ANKRD24: variants seen among roughly 807,000 people sequenced by gnomAD.
The protein encoded by ANKRD24 is ankyrin repeat domain 24.
A neutral mutation model predicts 127.8 loss-of-function variants in ANKRD24; 109 were observed. The observed-to-expected ratio is 0.85, with a 90% CI of 0.73 to 1.00. The LOEUF (loss-of-function observed/expected upper bound fraction) is 1.00, where lower values mean the gene tolerates loss of function less well. ANKRD24 is among the 50% of genes least tolerant of loss of function. The pLI is 0.00. For missense variants in ANKRD24, 1,648 were observed against 1,570.2 expected, an observed-to-expected ratio of 1.05 and a Z score of -0.84; for synonymous variants, 743 against 671.1, an observed-to-expected ratio of 1.11 and a Z score of -1.66.
rs542549286 is a variant in ANKRD24, at chr19:4,186,253, C to T, written c.-36-137C>T. On this transcript the variant is annotated intron_variant, in intron 1 of 21. Coordinates refer to ENST00000318934, the MANE Select transcript of ANKRD24 (RefSeq NM_001393985.1). ...GACACACAGCAGGTAGGAGATAGAG[C>T]AGGTCTGTGTCTTGCTCTAGGGGCC... 6 of 1,443,430 alleles carry T rather than the reference C, an allele frequency of 4.2e-6. No individual in the cohort carries two copies. The South Asian group carries it at 7.3e-5, about 18-fold the overall frequency. 89.4% of individuals were successfully genotyped at this position (1,443,430 alleles called of 1,614,324 possible).
intron 16 of ANKRD24, 64 bp downstream of exon 16, chr19:4,216,114 C>A: frequency 1.3e-6 from 2 of 1,505,178 alleles, no homozygotes; most frequent in Middle Eastern, 1.7e-4. Context: ...GAAGACGGAG[C>A]CTCTGGGTGT....
intron 2 of ANKRD24, among the ~76,000 whole-genome samples, chr19:4,196,337 T>TTTGTTGTTGTTG (rs112815640): frequency 6.6e-6 from 1 of 151,072 alleles, no homozygotes; most frequent in Non-Finnish European, 1.5e-5. Flanking sequence ...AGACCTCGGT[T>TTTGTTGTTGTTG]TTGTTGTTGT....
intron 2 of ANKRD24, among the ~76,000 whole-genome samples, chr19:4,193,815 C>T (rs111476602): frequency 0.011 from 266 of 25,082 alleles, 3 homozygotes; most frequent in African/African-American, 0.038. Context: ...CCAGCCTGGG[C>T]GACAGAGCGA....
intron 20 of ANKRD24, among the ~76,000 whole-genome samples, chr19:4,223,373 A>G (rs1970547289): frequency 2.7e-5 from 1 of 37,058 alleles, no homozygotes; most frequent in Non-Finnish European, 5.0e-5. Flanking sequence ...CTGGCCATAC[A>G]TATATATATA....
Position 4,186,378 on chromosome 19 carries a change from T to C in ANKRD24, c.-36-12T>C. ...GTGTCCCTCACCTTACCCCCACCCT[T>C]GCCCTCCTCAGGTGGCCTGTGGAGA... On this transcript the variant is annotated splice_polypyrimidine_tract_variant and intron_variant, in intron 1 of 21. Transcript: ENST00000318934. 3 of 1,563,892 alleles carry C rather than the reference T, an allele frequency of 1.9e-6. No individual in the cohort carries two copies. Among genetic ancestry groups the C allele is most frequent in the Non-Finnish European group, 2.6e-6 (3 of 1,154,406 alleles).
intron 20 of ANKRD24, among the ~76,000 whole-genome samples, chr19:4,223,345 C>T (rs1007075696): frequency 4.8e-5 from 7 of 145,656 alleles, no homozygotes; most frequent in African/African-American, 1.6e-4. Flanking sequence ...AGTTCTCCAC[C>T]TCAACCTCCC....
chr19:4,199,213 CA>C lies in ANKRD24; in HGVS notation c.37-469del, dbSNP rs1968940889. Among the ~76,000 whole-genome samples, 1 of 151,870 alleles carries C rather than the reference CA, an allele frequency of 6.6e-6. No individual in the cohort carries two copies. The highest frequency in any genetic ancestry group is 2.4e-5 in the African/African-American group (1 of 41,336). On this transcript the variant is annotated intron_variant, in intron 2 of 21. Coordinates refer to ENST00000318934, the MANE Select transcript of ANKRD24 (RefSeq NM_001393985.1). This position sits in a 1 kb window ranked among gnomAD's most constrained non-coding sequence, Gnocchi z 5.2. ...GATCCATTTGCTGGGGGCGATGTTGCAGGGGTGGCTTTCACTAAGGGATGAA... is the reference window on the plus strand; with the variant it reads ...GATCCATTTGCTGGGGGCGATGTTGCGGGGTGGCTTTCACTAAGGGATGAA...
chr19:4,215,018 C>G (rs1168176295), intron 15 of ANKRD24, among the ~76,000 whole-genome samples: 1 of 152,194 alleles, frequency 6.6e-6, no homozygotes. Context: ...TGCAGACAAA[C>G]ACACCCACAG....
intron 5 of ANKRD24, among the ~76,000 whole-genome samples, chr19:4,201,301 G>A (rs569078465): frequency 6.6e-6 from 1 of 152,112 alleles, no homozygotes; most frequent in Non-Finnish European, 1.5e-5. Flanking sequence ...CAGGGAATAT[G>A]GAATAGCTGG....
At chr19:4,196,381 G>C (rs1568318466) in intron 2 of ANKRD24, among the ~76,000 whole-genome samples, 3 of 151,876 alleles carry the variant, frequency 2.0e-5, no homozygotes, top group Non-Finnish European at 4.4e-5. Context: ...TTTTGTTGTT[G>C]TTTATTTGTT....
At position 4,182,778 on chromosome 19, in the gene ANKRD24, C is replaced by T. The variant is rs183758751; in HGVS notation, c.-37+38C>T. ...CTTGGGAAGGGGCTCCCCGATGACC[C>T]GGGCGGGAAATTGGGGCGGCCGCCT... On this transcript the variant is annotated intron_variant, in intron 1 of 21. Transcript: ENST00000318934. 1.8e-5 allele frequency: 18 copies of T among 984,828 alleles called. No individual in the cohort carries two copies. The African/African-American group carries it at 2.1e-4, about 11-fold the overall frequency. The allele number at this position is 984,828 out of a possible 1,614,324, so 61.0% of individuals were successfully genotyped here.
chr19:4,186,141 C>T, intron 1 of ANKRD24: 1 of 753,174 alleles, frequency 1.3e-6, no homozygotes. Flanking sequence ...ATGCTGAAAA[C>T]TGACCATGAG....
At position 4,207,771 on chromosome 19, in the gene ANKRD24, C is replaced by A; in HGVS notation, c.645-10C>A. On this transcript the variant is annotated splice_polypyrimidine_tract_variant and intron_variant, in intron 9 of 21. Transcript: ENST00000318934. ...GTTCTCATCTCCTCAGTAGCCCCCTCCCCTGGTAGGACGGCCCTGATGCTG... is the reference window on the plus strand; with the variant it reads ...GTTCTCATCTCCTCAGTAGCCCCCTACCCTGGTAGGACGGCCCTGATGCTG... 1 of 1,568,172 alleles carries A rather than the reference C, an allele frequency of 6.4e-7. No homozygotes were observed. The highest frequency in any genetic ancestry group is 8.7e-7 in the Non-Finnish European group (1 of 1,155,806).
At chr19:4,215,215 G>A (rs562256835) in intron 15 of ANKRD24, among the ~76,000 whole-genome samples, 1 of 152,342 alleles carries the variant, frequency 6.6e-6, no homozygotes, top group South Asian at 2.1e-4. Context: ...GGCAGGCTCG[G>A]TGGCTCACGC....
At chr19:4,188,962 T>G (rs1968220039) in intron 2 of ANKRD24, among the ~76,000 whole-genome samples, 1 of 151,900 alleles carries the variant, frequency 6.6e-6, no homozygotes, top group African/African-American at 2.4e-5. Flanking sequence ...CGCCTGCCAC[T>G]ATGGCTGGCT....
In ANKRD24 at chr19:4,200,084, T is replaced by A; in HGVS notation, c.256T>A (p.Phe86Ile). The change falls in exon 5 of 22, where the codon TTC becomes ATC. Residue 86 changes from phenylalanine to isoleucine, a missense_variant and splice_region_variant. Coordinates refer to ENST00000318934, the MANE Select transcript of ANKRD24 (RefSeq NM_001393985.1). ...TKLDPEGKSA[F>I]HLAAMRGAAS... ...TGAACCCTTGTCTCTCACCTCCAGG[T>A]TCCACCTGGCGGCCATGCGGGGTGC... 1 of 1,588,396 alleles carries A rather than the reference T, an allele frequency of 6.3e-7. No homozygotes were observed. Among genetic ancestry groups the A allele is most frequent in the Non-Finnish European group, 8.6e-7 (1 of 1,167,134 alleles).
chr19:4,188,281 T>G (rs1234930546), intron 2 of ANKRD24, among the ~76,000 whole-genome samples: 1 of 151,990 alleles, frequency 6.6e-6, no homozygotes, highest in Non-Finnish European at 1.5e-5. Flanking sequence ...TTCACCATGT[T>G]GGCCAGGCCG....
chr19:4,224,230 G>A, intron 21 of ANKRD24, 38 bp downstream of exon 21: 1 of 1,575,056 alleles, frequency 6.3e-7, no homozygotes, highest in Non-Finnish European at 8.7e-7. Flanking sequence ...GTGGCTTTGG[G>A]CATACCACTG....
intron 2 of ANKRD24, among the ~76,000 whole-genome samples, chr19:4,188,920 G>T (rs1232906239): frequency 2.0e-5 from 3 of 152,130 alleles, no homozygotes. Flanking sequence ...CAATTCTCCT[G>T]CCTCAGCCTT....
Sources: gnomAD v4.1 joint callset for allele counts (sites outside exome capture counted in the v4.1 genomes callset) on GRCh38, gnomAD v4.1.1 for gene constraint, Gnocchi (gnomAD v3.1) non-coding constraint, MANE v1.5 for transcripts, NCBI Gene and HGNC (gene_info 2026-07-23, HGNC 2026-07-21) for gene names.